KANSL1: variants seen among roughly 807,000 people sequenced by gnomAD.
KANSL1 encodes the protein KAT8 regulatory NSL complex subunit 1, also known as MLL1/MLL complex subunit KANSL1.
In KANSL1, 22 loss-of-function variants were observed where a neutral mutation model predicts 103.6. The ratio of observed to expected loss-of-function variants is 0.21; its 90% CI spans 0.15 to 0.30. The LOEUF (loss-of-function observed/expected upper bound fraction) is 0.30. Among genes scored for constraint, KANSL1 ranks in the 10% least tolerant of loss-of-function variants. The pLI, the probability that KANSL1 is intolerant of heterozygous loss-of-function variation, is 1.00. For missense variants in KANSL1, 1,337 were observed against 1,399.8 expected, an observed-to-expected ratio of 0.96 and a Z score of 0.72; for synonymous variants, 600 against 527.6, an observed-to-expected ratio of 1.14 and a Z score of -1.88.
At chr17:46,179,678 G>A (rs1423037700) in intron 1 of KANSL1, among the ~76,000 whole-genome samples, 1 of 152,198 alleles carries the variant, frequency 6.6e-6, no homozygotes, top group African/African-American at 2.4e-5. Context: ...AAAAGGCTAG[G>A]ACAAGAGAAT....
chr17:46,119,337 T>G lies in KANSL1; in HGVS notation c.1290-24636A>C, dbSNP rs1340440179. 3.1e-5 allele frequency among the ~76,000 whole-genome samples: 4 copies of G among 131,096 alleles called. No individual in the cohort carries two copies. In the East Asian group the frequency reaches 9.2e-4, roughly 30 times the overall value. 86.0% of individuals were successfully genotyped at this position (131,096 alleles called of 152,430 possible). A position where few individuals can be genotyped will look rare whatever the true frequency, so the allele number is the denominator to read the frequency against. On this transcript the variant is annotated intron_variant, in intron 2 of 14. Coordinates refer to ENST00000432791, the MANE Select transcript of KANSL1 (RefSeq NM_015443.4). ...ATTTTCTTTTTCTTTTTTTTTTTTT[T>G]GAGATGGGGAGTCTCGCTCAGTTGC...
At chr17:46,217,110 CAAAAAA>C (rs33982904) in intron 1 of KANSL1, among the ~76,000 whole-genome samples, 1 of 111,020 alleles carries the variant, frequency 9.0e-6, no homozygotes. Flanking sequence ...GACCCTGTCT[CAAAAAA>C]AAAAAAAAAA....
chr17:46,180,375 G>C (rs1386943028), intron 1 of KANSL1, among the ~76,000 whole-genome samples: 1 of 152,112 alleles, frequency 6.6e-6, no homozygotes, highest in Admixed American at 6.5e-5. Context: ...GCGGGCACCT[G>C]TAATCCCAGC....
chr17:46,056,868 T>C (rs2077950310), intron 6 of KANSL1, among the ~76,000 whole-genome samples: 2 of 152,254 alleles, frequency 1.3e-5, no homozygotes, highest in African/African-American at 4.8e-5. Flanking sequence ...CACAGTCCTG[T>C]GCACTGTAGA....
chr17:46,168,647 G>A (rs1472677159), intron 2 of KANSL1, among the ~76,000 whole-genome samples: 3 of 152,156 alleles, frequency 2.0e-5, no homozygotes, highest in Non-Finnish European at 4.4e-5. Context: ...CACCGTGCCC[G>A]GCCCTAAATA....
chr17:46,126,117 G>A lies in KANSL1; in HGVS notation c.1290-31416C>T, dbSNP rs578011897. ...GCTGTTGAAAAAGTAAAAGTCGGCC[G>A]GGCACAGTGTAATCCCAGCACACCT... On this transcript the variant is annotated intron_variant, in intron 2 of 14. Coordinates refer to ENST00000432791, the MANE Select transcript of KANSL1 (RefSeq NM_015443.4). 3.9e-5 allele frequency among the ~76,000 whole-genome samples: 6 copies of A among 152,014 alleles called. No individual in the cohort carries two copies. The East Asian group carries it at 5.8e-4, about 15-fold the overall frequency.
At chr17:46,131,706 TA>T (rs2043870278) in intron 2 of KANSL1, among the ~76,000 whole-genome samples, 1 of 152,124 alleles carries the variant, frequency 6.6e-6, no homozygotes, top group Non-Finnish European at 1.5e-5. Context: ...AAGATAGCAA[TA>T]AAACACATAA....
rs1023164178 is a variant in KANSL1 at position 46,146,832 on chromosome 17, C to CAAAAA, written c.1289+24018_1289+24022dup. Among the ~76,000 whole-genome samples the CAAAAA allele has an allele frequency of 2.3e-3, 84 of 37,244 alleles. 2 individuals carry two copies. The highest frequency in any genetic ancestry group is 3.9e-3 in the Non-Finnish European group (63 of 16,330). The allele number at this position is 37,244 out of a possible 152,430, so 24.4% of individuals were successfully genotyped here. A position where few individuals can be genotyped will look rare whatever the true frequency, so the allele number is the denominator to read the frequency against. On this transcript the variant is annotated intron_variant, in intron 2 of 14. Transcript: ENST00000432791. ...TGGGCGACAGAGCGAGACTCCGTCT[C>CAAAAA]AAAAAAAAAAAAAAAAAAAAAAAAA...
intron 2 of KANSL1, among the ~76,000 whole-genome samples, chr17:46,105,064 C>T (rs775937036): frequency 6.6e-6 from 1 of 152,128 alleles, no homozygotes; most frequent in South Asian, 2.1e-4. Flanking sequence ...CCACCCACCT[C>T]GGCTTCCCAA....
intron 1 of KANSL1, among the ~76,000 whole-genome samples, chr17:46,176,151 A>C (rs933474576): frequency 1.3e-5 from 2 of 152,238 alleles, no homozygotes; most frequent in African/African-American, 4.8e-5. Context: ...GCCTGACAGC[A>C]CTACAGTAAG....
At chr17:46,073,526 C>T (rs1438237549) in intron 4 of KANSL1, among the ~76,000 whole-genome samples, 4 of 151,980 alleles carry the variant, frequency 2.6e-5, no homozygotes, top group South Asian at 2.1e-4. Context: ...TAAGCCAAAA[C>T]GTACTGAAAT....
chr17:46,067,928 C>G (rs1029916872), intron 4 of KANSL1, among the ~76,000 whole-genome samples: 2 of 151,064 alleles, frequency 1.3e-5, no homozygotes, highest in African/African-American at 2.4e-5. Context: ...CTGGGCAACA[C>G]AGCGAGACCT....
intron 1 of KANSL1, among the ~76,000 whole-genome samples, chr17:46,214,427 G>T (rs2048276337): frequency 6.6e-6 from 1 of 152,354 alleles, no homozygotes; most frequent in East Asian, 1.9e-4. Flanking sequence ...GCTGAGGGGG[G>T]TGGATCACCT....
At chr17:46,193,463 C>T, upstream of KANSL1, 1 of 151,844 alleles carries the variant, frequency 6.6e-6, no homozygotes, top group Non-Finnish European at 1.5e-5. Context: ...GCGCCGGGGA[C>T]ACGGGGAGGA....
At chr17:46,157,551 C>T (rs1344861133) in intron 2 of KANSL1, among the ~76,000 whole-genome samples, 1 of 152,220 alleles carries the variant, frequency 6.6e-6, no homozygotes, top group Non-Finnish European at 1.5e-5. Context: ...TCAAAGTCAC[C>T]TCACATTTCT....
rs756958045 is a variant in KANSL1, at chr17:46,032,075, G to C, written c.3062C>G (p.Ser1021Cys). 2 of 1,614,178 alleles carry C rather than the reference G, an allele frequency of 1.2e-6. No individual in the cohort carries two copies. The highest frequency in any genetic ancestry group is 1.7e-6 in the Non-Finnish European group (2 of 1,180,034). ...TTCATCCAGCCCCAGCTCTGGTGTG[G>C]AACAACGGGTATCCTCACTGGCTAA... ...RHLASEDTRC[S>C]TPELGLDEQS... The change falls in exon 14 of 15, where the codon TCC (serine) becomes TGC (cysteine). Residue 1021 changes from serine (S) to cysteine (C), a missense_variant. Ser to Cys is a moderately radical substitution (Grantham distance 112, BLOSUM62 -1). Around this residue, in one of 2 missense-constraint regions of KANSL1, gnomAD observed 780 missense variants for 923.4 expected, o/e 0.84. Transcript: ENST00000432791.
chr17:46,037,526 G>A (rs2077185104), intron 10 of KANSL1: 1 of 152,250 alleles, frequency 6.6e-6, no homozygotes, highest in South Asian at 2.1e-4. Flanking sequence ...CCCAGGCTTA[G>A]CCTGTGTAGT....
chr17:46,065,136 C>CTTT (rs369694354), intron 6 of KANSL1, among the ~76,000 whole-genome samples: 54 of 143,072 alleles, frequency 3.8e-4, no homozygotes, highest in African/African-American at 6.2e-4. Flanking sequence ...CCACAGCAGG[C>CTTT]TTTTTTTTTT....
intron 2 of KANSL1, among the ~76,000 whole-genome samples, chr17:46,138,015 G>T (rs2147337507): frequency 6.6e-6 from 1 of 152,314 alleles, no homozygotes. Context: ...GTGGCAAACT[G>T]CAGCTTAGGC....
Sources: gnomAD v4.1 joint callset for allele counts (sites outside exome capture counted in the v4.1 genomes callset) on GRCh38, gnomAD v4.1.1 for gene constraint, gnomAD v4.1.1 regional missense constraint, MANE v1.5 for transcripts, NCBI Gene and HGNC (gene_info 2026-07-23, HGNC 2026-07-21) for gene names.